CDK12: variants seen among roughly 807,000 people sequenced by gnomAD.
The protein encoded by CDK12 is cyclin-dependent kinase 12.
Under a neutral mutation model 133.8 loss-of-function variants are expected in CDK12, and 17 were observed. That is an observed-to-expected ratio of 0.13 (90% CI 0.09 to 0.19). CDK12 has a LOEUF of 0.19. CDK12 is among the 10% of genes least tolerant of loss of function. The pLI, the probability that CDK12 is intolerant of heterozygous loss-of-function variation, is 1.00. For missense variants in CDK12, 1,508 were observed against 1,818.7 expected (o/e 0.83, Z 3.11); for synonymous variants, 694 against 683.6 (o/e 1.02, Z -0.24).
chr17:39,541,362 C>CTTT lies in CDK12; in HGVS notation c.451-2866_451-2864dup, dbSNP rs201866427. On this transcript the variant is annotated intron_variant and NMD_transcript_variant, in intron 1 of 4. Transcript: ENST00000559663. ...TAATGGGAGGAGTTTGAGTTTGGCT[C>CTTT]TTTTTTTTTTTTTTTTTTTTTTTGA... 1.4e-3 allele frequency among the ~76,000 whole-genome samples: 187 copies of CTTT among 137,166 alleles called. 1 individual carries two copies. The highest frequency in any genetic ancestry group is 5.8e-3 in the African/African-American group (178 of 30,850). The allele number at this position is 137,166 out of a possible 152,430, so 90.0% of individuals were successfully genotyped here. A position where few individuals can be genotyped will look rare whatever the true frequency, so the allele number is the denominator to read the frequency against.
In CDK12 at chr17:39,490,578, A is replaced by G; in HGVS notation, c.1953A>G (p.Ser651=). The G allele has an allele frequency of 6.2e-7, 1 of 1,611,894 alleles. No homozygotes were observed. The highest frequency in any genetic ancestry group is 2.2e-5 in the East Asian group (1 of 44,862). Residue 651 remains serine (S), a synonymous_variant, in exon 3 of 14, where the codon TCA becomes TCG. Transcript: ENST00000447079. ...TTAGTCCAAAAGAAACTCTTCCTTC[A>G]AAACCTGTGAAGAAAGAGAAGGAAC... ...DMDSPKETLP[S]KPVKKEKEQR...
chr17:39,514,338 G>A (rs761299385), intron 8 of CDK12, among the ~76,000 whole-genome samples: 8 of 152,128 alleles, frequency 5.3e-5, no homozygotes, highest in East Asian at 1.9e-4. Flanking sequence ...AGCTAGGTTC[G>A]TTTTGCTTTC....
chr17:39,480,625 G>A (rs912695693), intron 2 of CDK12, among the ~76,000 whole-genome samples: 1 of 151,538 alleles, frequency 6.6e-6, no homozygotes, highest in South Asian at 2.1e-4. Flanking sequence ...GTTTCACCAC[G>A]TTGGCCAGGC....
Position 39,492,901 on chromosome 17 carries a change from C to G in CDK12, c.2248+11C>G, listed in dbSNP as rs1009065668. On this transcript the variant is annotated intron_variant, in intron 4 of 13. Coordinates refer to ENST00000447079, the MANE Select transcript of CDK12 (RefSeq NM_016507.4). ...AGGACAAAGACACAGGTAAATATTGCCACAAAATTTTAGATGTCAGAATGT... is the reference window on the plus strand; with the variant it reads ...AGGACAAAGACACAGGTAAATATTGGCACAAAATTTTAGATGTCAGAATGT... 8 of 1,585,794 alleles carry G rather than the reference C, an allele frequency of 5.0e-6. No homozygotes were observed. The highest frequency in any genetic ancestry group is 2.3e-5 in the East Asian group (1 of 44,322).
At chr17:39,565,144 C>T (rs567543359), downstream of CDK12, among the ~76,000 whole-genome samples, 56 of 152,250 alleles carry the variant, frequency 3.7e-4, no homozygotes, top group South Asian at 6.2e-4. Context: ...GAGACAGTCT[C>T]GCTCTGTCGC....
intron 13 of CDK12, 65 bp downstream of exon 13, chr17:39,526,381 T>C (rs1036721238): frequency 1.0e-5 from 13 of 1,285,884 alleles, no homozygotes; most frequent in Non-Finnish European, 1.4e-5. Flanking sequence ...AAAAATCTCT[T>C]AACATTTTTT....
chr17:39,557,222 C>A (rs1162959263), intron 3 of CDK12, among the ~76,000 whole-genome samples: 1 of 152,206 alleles, frequency 6.6e-6, no homozygotes, highest in Non-Finnish European at 1.5e-5. Context: ...AGACATGAAG[C>A]CGGCCGCTGA....
intron 13 of CDK12, among the ~76,000 whole-genome samples, chr17:39,527,938 C>T (rs2054591013): frequency 6.6e-6 from 1 of 151,866 alleles, no homozygotes; most frequent in Non-Finnish European, 1.5e-5. Flanking sequence ...TGTTTTGAGA[C>T]AGAGTCTCTC....
chr17:39,530,499 G>A, intron 13 of CDK12, 105 bp from the exon 14 acceptor site: 8 of 1,430,084 alleles, frequency 5.6e-6, no homozygotes, highest in South Asian at 1.6e-5. Flanking sequence ...TTATATATCT[G>A]GTTACTTATA....
chr17:39,472,567 G>C (rs1597937306), intron 2 of CDK12, among the ~76,000 whole-genome samples: 1 of 151,970 alleles, frequency 6.6e-6, no homozygotes, highest in Non-Finnish European at 1.5e-5. Flanking sequence ...CCAGCTACTT[G>C]AGAGGCTGAG....
intron 2 of CDK12, among the ~76,000 whole-genome samples, chr17:39,487,892 G>T (rs751543832): frequency 4.0e-5 from 6 of 151,892 alleles, no homozygotes; most frequent in Non-Finnish European, 8.8e-5. Context: ...TGGTATTACG[G>T]GCATGAGCCA....
Position 39,495,494 on chromosome 17 carries a change from AAAAG to A in CDK12, c.2419+803_2419+806del, listed in dbSNP as rs1243369719. ...AAACTGAAAATATAGAAGAAGAAGA[AAAAG>A]AAGATGGTAGTGGCCAGGCGCAGTG... is the stretch of plus-strand genomic sequence containing the variant. On this transcript the variant is annotated intron_variant, in intron 5 of 13. Transcript: ENST00000447079. Among the ~76,000 whole-genome samples the A allele has an allele frequency of 4.0e-5, 6 of 150,852 alleles. No individual in the cohort carries two copies. In the East Asian group the frequency reaches 1.2e-3, roughly 29 times the overall value.
At chr17:39,518,185 G>A (rs1313699916) in intron 10 of CDK12, among the ~76,000 whole-genome samples, 3 of 151,964 alleles carry the variant, frequency 2.0e-5, no homozygotes, top group Non-Finnish European at 2.9e-5. Flanking sequence ...CAGCATGTTG[G>A]CCAGGCTGGT....
intron 4 of CDK12, among the ~76,000 whole-genome samples, chr17:39,494,294 A>G (rs2051892794): frequency 6.6e-6 from 1 of 152,098 alleles, no homozygotes; most frequent in Non-Finnish European, 1.5e-5. Context: ...GCTGGTCTCG[A>G]ATTCCTAACC....
chr17:39,512,236 T>A (rs1252618969), intron 8 of CDK12, among the ~76,000 whole-genome samples: 1 of 152,136 alleles, frequency 6.6e-6, no homozygotes, highest in Non-Finnish European at 1.5e-5. Context: ...ACTACAGGCG[T>A]ATGTTGCCAT....
chr17:39,565,062 C>T (rs922629824), downstream of CDK12, among the ~76,000 whole-genome samples: 3 of 152,194 alleles, frequency 2.0e-5, no homozygotes, highest in African/African-American at 7.2e-5. Context: ...CTTCCCTGCC[C>T]CTGCTTCCTG....
chr17:39,513,720 T>A (rs985733299), intron 8 of CDK12, among the ~76,000 whole-genome samples: 1 of 152,238 alleles, frequency 6.6e-6, no homozygotes, highest in African/African-American at 2.4e-5. Context: ...AAATTAAAAC[T>A]ACATAAAGTT....
intron 11 of CDK12, among the ~76,000 whole-genome samples, chr17:39,523,096 T>C (rs544615664): frequency 3.9e-5 from 6 of 152,112 alleles, no homozygotes; most frequent in Non-Finnish European, 5.9e-5. Flanking sequence ...TTTTAATATG[T>C]CTCTATTTAA....
chr17:39,481,011 T>C (rs2050600424), intron 2 of CDK12, among the ~76,000 whole-genome samples: 1 of 151,958 alleles, frequency 6.6e-6, no homozygotes, highest in East Asian at 1.9e-4. Context: ...CCCAGCACTT[T>C]GGGAGGCCGA....
Sources: gnomAD v4.1 joint callset for allele counts (sites outside exome capture counted in the v4.1 genomes callset) on GRCh38, gnomAD v4.1.1 for gene constraint, MANE v1.5 for transcripts, NCBI Gene and HGNC (gene_info 2026-07-23, HGNC 2026-07-21) for gene names.